The following NBEAL1 variants were observed in gnomAD, a reference collection of about 807,000 sequenced individuals.
NBEAL1 encodes neurobeachin-like protein 1.
NBEAL1 carries 273 observed loss-of-function variants against 351.3 expected under a neutral mutation model. That is an observed-to-expected ratio of 0.78 (90% CI 0.70 to 0.86). The LOEUF is 0.86. NBEAL1 is among the 40% of genes least tolerant of loss of function. The pLI, the probability that NBEAL1 is intolerant of heterozygous loss-of-function variation, is 0.00. For missense variants in NBEAL1, 2,961 were observed against 3,201.3 expected (o/e 0.92, Z 1.81); for synonymous variants, 1,050 against 1,086.4 (o/e 0.97, Z 0.66).
intron 14 of NBEAL1, among the ~76,000 whole-genome samples, chr2:203,109,115 A>G (rs2062505466): frequency 6.6e-6 from 1 of 152,178 alleles, no homozygotes; most frequent in Non-Finnish European, 1.5e-5. Context: ...CTAGCACTTT[A>G]AGTGGTTGAG....
chr2:203,016,363 A>G lies in NBEAL1; in HGVS notation c.-22A>G. ...ACATAATTTTTTTAAGGAAAACTTA[A>G]AGTGCCAGAGTGAAAGCCAGAATGG... On this transcript the variant is annotated 5_prime_UTR_variant, in exon 2 of 56. Coordinates refer to ENST00000683969, the MANE Select transcript of NBEAL1 (RefSeq NM_001378026.1). 6.9e-7 allele frequency: 1 copy of G among 1,454,230 alleles called. No homozygotes were observed. The allele number at this position is 1,454,230 out of a possible 1,614,324, so 90.1% of individuals were successfully genotyped here.
intron 3 of NBEAL1, among the ~76,000 whole-genome samples, chr2:203,049,495 T>C (rs2061288773): frequency 6.6e-6 from 1 of 152,224 alleles, no homozygotes; most frequent in African/African-American, 2.4e-5. Flanking sequence ...TAATTTATTC[T>C]AAGTATTTTC....
chr2:203,034,128 T>C (rs1217174950), intron 2 of NBEAL1, among the ~76,000 whole-genome samples: 1 of 152,026 alleles, frequency 6.6e-6, no homozygotes, highest in Non-Finnish European at 1.5e-5. Flanking sequence ...TGGTCTAGCA[T>C]GGTCCCTAGT....
intron 51 of NBEAL1, among the ~76,000 whole-genome samples, chr2:203,206,415 C>CCTCTCCCT (rs1235094667): frequency 6.6e-6 from 1 of 151,992 alleles, no homozygotes; most frequent in Non-Finnish European, 1.5e-5. Context: ...TGTCCCTTTC[C>CCTCTCCCT]CTCTCCCTCT....
chr2:203,028,951 G>A (rs191738231), intron 2 of NBEAL1, among the ~76,000 whole-genome samples: 158 of 151,980 alleles, frequency 1.0e-3, no homozygotes, highest in Non-Finnish European at 3.7e-4. Flanking sequence ...ACCACAATGC[G>A]CCCTTTTGAT....
At chr2:203,041,217 G>A (rs2061135515) in intron 2 of NBEAL1, among the ~76,000 whole-genome samples, 1 of 152,158 alleles carries the variant, frequency 6.6e-6, no homozygotes, top group Non-Finnish European at 1.5e-5. Context: ...ATTTGTACAA[G>A]GTTCCCTAAG....
chr2:203,034,379 G>C (rs1411401474), intron 2 of NBEAL1, among the ~76,000 whole-genome samples: 1 of 138,460 alleles, frequency 7.2e-6, no homozygotes, highest in African/African-American at 2.5e-5. Context: ...GGATAGTCTC[G>C]ATATCCTGAC....
chr2:203,061,235 T>C (rs1179149139), intron 6 of NBEAL1: 1 of 152,216 alleles, frequency 6.6e-6, no homozygotes, highest in Non-Finnish European at 1.5e-5. Flanking sequence ...CCAGTTTTTT[T>C]ACATTCATTT....
intron 21 of NBEAL1, 36 bp from the exon 22 acceptor site, chr2:203,126,521 C>A: frequency 2.2e-6 from 3 of 1,371,630 alleles, no homozygotes; most frequent in Non-Finnish European, 2.8e-6. Context: ...GTTATTTAAA[C>A]TGAACTATAT....
chr2:203,196,077 T>C (rs2065233809), intron 47 of NBEAL1, among the ~76,000 whole-genome samples: 1 of 152,190 alleles, frequency 6.6e-6, no homozygotes, highest in African/African-American at 2.4e-5. Context: ...GTTAACTCTT[T>C]ACTGCATGTA....
rs1220286162 is a variant in NBEAL1, at chr2:203,210,945, T to C, written c.7786-13T>C. On this transcript the variant is annotated splice_polypyrimidine_tract_variant and intron_variant, in intron 53 of 55. Transcript: ENST00000683969. ...TTATTTGAAATTGTTGAATTTTCCTTAATTCTTTTCAGGATAAGAATGCAT... is the reference window on the plus strand; with the variant it reads ...TTATTTGAAATTGTTGAATTTTCCTCAATTCTTTTCAGGATAAGAATGCAT... 28 of 1,525,422 alleles carry C rather than the reference T, an allele frequency of 1.8e-5. 1 individual carries two copies. In the Admixed American group the frequency reaches 5.6e-4, roughly 31 times the overall value. 94.5% of individuals were successfully genotyped at this position (1,525,422 alleles called of 1,614,324 possible). A position where few individuals can be genotyped will look rare whatever the true frequency, so the allele number is the denominator to read the frequency against.
In NBEAL1 at chr2:203,077,636, C is replaced by A. The variant is rs1461171633; in HGVS notation, c.599-116C>A. On this transcript the variant is annotated intron_variant, in intron 7 of 55. Coordinates refer to ENST00000683969, the MANE Select transcript of NBEAL1 (RefSeq NM_001378026.1). Reference sequence around the variant, plus strand: ...AATGCATATCAACCTTGGCTTTTAACACAGATCAGCCTTTTCACAAATAGT... The same window carrying A: ...AATGCATATCAACCTTGGCTTTTAAAACAGATCAGCCTTTTCACAAATAGT... The A allele has an allele frequency of 5.3e-6, 3 of 570,904 alleles. No homozygotes were observed. In the East Asian group the frequency reaches 1.1e-4, roughly 21 times the overall value. The allele number at this position is 570,904 out of a possible 1,614,324, so 35.4% of individuals were successfully genotyped here.
intron 42 of NBEAL1, among the ~76,000 whole-genome samples, chr2:203,176,171 CTT>C (rs34311199): frequency 4.1e-5 from 5 of 122,870 alleles, no homozygotes; most frequent in African/African-American, 6.0e-5. Flanking sequence ...TTTATTGCAT[CTT>C]TTTTTTTTTT....
At chr2:203,014,825 G>T (rs1434019444), upstream of NBEAL1, 1 of 152,342 alleles carries the variant, frequency 6.6e-6, no homozygotes, top group East Asian at 1.9e-4. Context: ...AGCCCAGGGG[G>T]CAGCCCCGCC....
intron 31 of NBEAL1, among the ~76,000 whole-genome samples, chr2:203,139,655 C>T (rs1023210568): frequency 3.4e-5 from 5 of 148,042 alleles, no homozygotes; most frequent in Non-Finnish European, 7.4e-5. Context: ...ACCTCCACCT[C>T]CCAGGTTCAA....
chr2:203,122,287 A>G lies in NBEAL1; in HGVS notation c.2626A>G (p.Thr876Ala). ...CKNSICLDLS[T>A]NCLHGRLTGN... ...AAATTCAATCTGTCTTGATTTATCTACTAATTGTTTGCATGGAAGATTAAC... is the reference window on the plus strand; with the variant it reads ...AAATTCAATCTGTCTTGATTTATCTGCTAATTGTTTGCATGGAAGATTAAC... Residue 876 changes from threonine (T) to alanine (A), a missense_variant, in exon 19 of 56, where the codon ACT (threonine) becomes GCT (alanine). Thr to Ala is a moderately conservative substitution (Grantham distance 58, BLOSUM62 0). Transcript: ENST00000683969. 3 of 1,544,588 alleles carry G rather than the reference A, an allele frequency of 1.9e-6. No individual in the cohort carries two copies. Among genetic ancestry groups the G allele is most frequent in the Non-Finnish European group, 2.6e-6 (3 of 1,144,706 alleles).
intron 19 of NBEAL1, 47 bp downstream of exon 19, chr2:203,122,390 TACTC>T: frequency 8.5e-7 from 1 of 1,173,606 alleles, no homozygotes; most frequent in Non-Finnish European, 1.2e-6. Context: ...AATTTACTGA[TACTC>T]TTATTAAGGA....
At chr2:203,079,952 T>A (rs985704682) in intron 8 of NBEAL1, among the ~76,000 whole-genome samples, 1 of 152,222 alleles carries the variant, frequency 6.6e-6, no homozygotes, top group South Asian at 2.1e-4. Flanking sequence ...AATGTATTTA[T>A]CATTTCTTAG....
intron 51 of NBEAL1, among the ~76,000 whole-genome samples, chr2:203,205,739 G>A (rs1052751569): frequency 3.3e-5 from 5 of 152,110 alleles, no homozygotes; most frequent in African/African-American, 1.2e-4. Flanking sequence ...GTTTAGTATG[G>A]GGATATGCAA....
Sources: gnomAD v4.1 joint callset for allele counts (sites outside exome capture counted in the v4.1 genomes callset) on GRCh38, gnomAD v4.1.1 for gene constraint, MANE v1.5 for transcripts, NCBI Gene and HGNC (gene_info 2026-07-23, HGNC 2026-07-21) for gene names.